Variants in PACSIN2 observed in about 807,000 individuals in gnomAD.
PACSIN2 encodes the protein protein kinase C and casein kinase substrate in neurons protein 2.
Under a neutral mutation model 63.8 loss-of-function variants are expected in PACSIN2, and 25 were observed. The ratio of observed to expected loss-of-function variants is 0.39; its 90% CI spans 0.29 to 0.55. The LOEUF is 0.55. PACSIN2 is among the 20% of genes least tolerant of loss of function. PACSIN2 has a pLI of 0.62. For missense variants in PACSIN2, 518 were observed against 646.9 expected, an observed-to-expected ratio of 0.80 and a Z score of 2.16; for synonymous variants, 255 against 256.2, an observed-to-expected ratio of 1.00 and a Z score of 0.05.
chr22:42,969,048 T>A (rs1334803105), intron 1 of PACSIN2, among the ~76,000 whole-genome samples: 2 of 151,724 alleles, frequency 1.3e-5, no homozygotes, highest in Non-Finnish European at 2.9e-5. Context: ...TCTATCTCCA[T>A]CCATCCATCC....
chr22:42,965,444 G>A (rs1920945008), intron 1 of PACSIN2, among the ~76,000 whole-genome samples: 1 of 152,064 alleles, frequency 6.6e-6, no homozygotes, highest in South Asian at 2.1e-4. Context: ...GAGAAGGAGG[G>A]GAAAAGAAGG....
At chr22:42,993,088 C>T (rs1445337661) in intron 1 of PACSIN2, among the ~76,000 whole-genome samples, 2 of 151,890 alleles carry the variant, frequency 1.3e-5, no homozygotes, top group East Asian at 3.8e-4. Context: ...GCAGGAGAAT[C>T]ACTTCAACCC....
chr22:42,874,995 C>T (rs543178254), intron 10 of PACSIN2, among the ~76,000 whole-genome samples: 12 of 151,962 alleles, frequency 7.9e-5, no homozygotes, highest in East Asian at 7.8e-4. Context: ...GGACTACAGG[C>T]GGCTGCCACC....
chr22:42,944,466 T>C (rs1434957475), intron 1 of PACSIN2, among the ~76,000 whole-genome samples: 1 of 152,178 alleles, frequency 6.6e-6, no homozygotes, highest in Admixed American at 6.5e-5. Context: ...TACTCTAACA[T>C]TGCTAATAGG....
At chr22:42,889,081 T>C (rs1004589681) in intron 4 of PACSIN2, among the ~76,000 whole-genome samples, 1 of 151,892 alleles carries the variant, frequency 6.6e-6, no homozygotes, top group Non-Finnish European at 1.5e-5. Context: ...GCAGATACAG[T>C]ATAGGAAAAG....
chr22:42,953,369 C>T (rs553803627), intron 1 of PACSIN2, among the ~76,000 whole-genome samples: 1 of 151,986 alleles, frequency 6.6e-6, no homozygotes, highest in East Asian at 1.9e-4. Flanking sequence ...AAAAATCTCA[C>T]CAGAAGAACT....
At chr22:42,985,409 C>A (rs925307494) in intron 1 of PACSIN2, among the ~76,000 whole-genome samples, 2 of 152,348 alleles carry the variant, frequency 1.3e-5, no homozygotes, top group East Asian at 3.9e-4. Context: ...ATGGGCTCCA[C>A]GTTCTGCCCA....
At chr22:42,942,002 C>T (rs1383397724) in intron 1 of PACSIN2, among the ~76,000 whole-genome samples, 2 of 152,076 alleles carry the variant, frequency 1.3e-5, no homozygotes, top group Non-Finnish European at 2.9e-5. Context: ...GTCTCGAACT[C>T]TTGACCTCAG....
intron 1 of PACSIN2, among the ~76,000 whole-genome samples, chr22:43,004,799 C>A (rs1232551565): frequency 1.3e-5 from 2 of 152,248 alleles, no homozygotes; most frequent in African/African-American, 4.8e-5. Flanking sequence ...GGCCCCGTCA[C>A]AGGCCTCCCT....
chr22:42,939,401 A>G (rs1053605949), intron 1 of PACSIN2, among the ~76,000 whole-genome samples: 6 of 152,226 alleles, frequency 3.9e-5, no homozygotes, highest in African/African-American at 1.4e-4. Context: ...ATTTGATATT[A>G]ACATGAGAAT....
intron 1 of PACSIN2, among the ~76,000 whole-genome samples, chr22:42,977,832 A>G (rs748966043): frequency 2.6e-5 from 4 of 151,928 alleles, no homozygotes; most frequent in African/African-American, 4.8e-5. Flanking sequence ...TTCCCCTTCC[A>G]CCATGATTGT....
chr22:42,879,005 A>G, intron 8 of PACSIN2, 43 bp downstream of exon 8: 1 of 1,591,786 alleles, frequency 6.3e-7, no homozygotes, highest in Non-Finnish European at 8.6e-7. Context: ...CAGGGCCCCC[A>G]CCATGGAACG....
chr22:43,014,364 ACCACCCCCCCCCC>A (rs1287363567), intron 1 of PACSIN2, among the ~76,000 whole-genome samples: 3 of 5,296 alleles, frequency 5.7e-4, no homozygotes, highest in Non-Finnish European at 7.2e-4. Context: ...ACACACACAC[ACCACCCCCCCCCC>A]CCCGGGACAC....
At chr22:42,980,682 T>A (rs1922039281) in intron 1 of PACSIN2, among the ~76,000 whole-genome samples, 1 of 108,074 alleles carries the variant, frequency 9.3e-6, no homozygotes, top group African/African-American at 3.6e-5. Flanking sequence ...GGAGACGGGG[T>A]TTCGCTGTGT....
chr22:42,917,052 A>G (rs1931857909), intron 1 of PACSIN2, among the ~76,000 whole-genome samples: 1 of 152,068 alleles, frequency 6.6e-6, no homozygotes, highest in Admixed American at 6.6e-5. Context: ...ACCCACCCCT[A>G]TGGCGACTCC....
At chr22:42,983,502 A>AC (rs1237034226) in intron 1 of PACSIN2, among the ~76,000 whole-genome samples, 7 of 137,008 alleles carry the variant, frequency 5.1e-5, no homozygotes, top group Non-Finnish European at 5.0e-5. Context: ...AAAAAAAAAA[A>AC]AAAAAACAGA....
intron 2 of PACSIN2, among the ~76,000 whole-genome samples, chr22:42,898,738 T>C (rs4822223): frequency 0.45 from 68,003 of 151,874 alleles, 15,769 homozygotes; most frequent in Non-Finnish European, 0.48. Flanking sequence ...TCCTCCAGGC[T>C]GCACTCACTC....
At chr22:42,978,088 C>CTCAT (rs146854280) in intron 1 of PACSIN2, among the ~76,000 whole-genome samples, 23 of 152,220 alleles carry the variant, frequency 1.5e-4, no homozygotes, top group Admixed American at 8.5e-4. Context: ...CACTCACTGG[C>CTCAT]TCATTCATTC....
chr22:42,922,304 A>G (rs375339247), intron 1 of PACSIN2, among the ~76,000 whole-genome samples: 22 of 152,364 alleles, frequency 1.4e-4, no homozygotes, highest in East Asian at 5.8e-4. Flanking sequence ...TGTATTCACA[A>G]GGACATCCAG....
Sources: allele counts gnomAD v4.1 joint callset (sites outside exome capture counted in the v4.1 genomes callset), GRCh38; gene constraint gnomAD v4.1.1; transcripts MANE v1.5; gene names NCBI Gene and HGNC (gene_info 2026-07-23, HGNC 2026-07-21).